The following PLEKHA7 variants were observed in gnomAD, a reference collection of about 807,000 sequenced individuals.
The protein encoded by PLEKHA7 is pleckstrin homology domain containing A7.
PLEKHA7 carries 104 observed loss-of-function variants against 170.0 expected under a neutral mutation model. The observed-to-expected ratio is 0.61, with a 90% CI of 0.52 to 0.72. PLEKHA7 has a LOEUF of 0.72. PLEKHA7 is among the 30% of genes least tolerant of loss of function. The probability of loss-of-function intolerance (pLI) is 0.00; values close to 1 mark genes in which losing one functional copy is unlikely to be tolerated. For missense variants in PLEKHA7, 1,615 were observed against 1,671.7 expected, an observed-to-expected ratio of 0.97 and a Z score of 0.59; for synonymous variants, 648 against 660.8, an observed-to-expected ratio of 0.98 and a Z score of 0.30.
At chr11:16,978,799 C>T (rs549742469) in intron 3 of PLEKHA7, among the ~76,000 whole-genome samples, 28 of 152,294 alleles carry the variant, frequency 1.8e-4, no homozygotes, top group Non-Finnish European at 3.2e-4. Flanking sequence ...CCTCAATAAG[C>T]AATGAAATTA....
chr11:16,903,274 T>C (rs895219743), intron 3 of PLEKHA7, among the ~76,000 whole-genome samples: 6 of 152,220 alleles, frequency 3.9e-5, no homozygotes, highest in Admixed American at 6.5e-5. Context: ...CGGCCTGGCA[T>C]ATAACATTAG....
chr11:17,011,058 T>C (rs948054016), intron 3 of PLEKHA7, among the ~76,000 whole-genome samples: 7 of 152,102 alleles, frequency 4.6e-5, no homozygotes, highest in African/African-American at 1.4e-4. Flanking sequence ...GAGCTCACTG[T>C]AGGAAAATCA....
At chr11:16,982,185 G>C (rs6486332) in intron 3 of PLEKHA7, among the ~76,000 whole-genome samples, 92,271 of 152,150 alleles carry the variant, frequency 0.61, 28,629 homozygotes, top group East Asian at 0.96. Context: ...GGGGCATAAA[G>C]AAACTGTTAA....
intron 14 of PLEKHA7, 52 bp downstream of exon 14, chr11:16,803,175 G>C (rs1848714831): frequency 6.3e-7 from 1 of 1,578,880 alleles, no homozygotes; most frequent in Non-Finnish European, 8.7e-7. Context: ...GTTCACCCGG[G>C]GTCTGGGTCA....
intron 10 of PLEKHA7, 45 bp downstream of exon 10, chr11:16,826,075 A>AT: frequency 1.9e-6 from 3 of 1,568,894 alleles, no homozygotes; most frequent in Non-Finnish European, 2.6e-6. Flanking sequence ...TTGCCACTAC[A>AT]TTATCGTGCT....
chr11:17,005,864 T>C (rs1864959263), intron 3 of PLEKHA7, among the ~76,000 whole-genome samples: 1 of 152,154 alleles, frequency 6.6e-6, no homozygotes, highest in Non-Finnish European at 1.5e-5. Context: ...CCCTTGAAAA[T>C]GCAACCAGGA....
chr11:16,892,434 GT>G (rs138538328), intron 3 of PLEKHA7, among the ~76,000 whole-genome samples: 7,520 of 108,476 alleles, frequency 0.069, 274 homozygotes, highest in Non-Finnish European at 0.098. Context: ...GTGTGTGTGT[GT>G]TTTGTTTTGT....
At chr11:16,890,087 T>C (rs1856513947) in intron 3 of PLEKHA7, among the ~76,000 whole-genome samples, 1 of 152,014 alleles carries the variant, frequency 6.6e-6, no homozygotes, top group Non-Finnish European at 1.5e-5. Flanking sequence ...AAATGTTTCC[T>C]AGACAAGCAA....
chr11:16,900,600 T>A (rs1209860537), intron 3 of PLEKHA7, among the ~76,000 whole-genome samples: 1 of 152,176 alleles, frequency 6.6e-6, no homozygotes, highest in Non-Finnish European at 1.5e-5. Context: ...AATAAAATTG[T>A]ACACAAAATT....
intron 3 of PLEKHA7, among the ~76,000 whole-genome samples, chr11:16,878,490 C>T (rs1855475469): frequency 6.6e-6 from 1 of 152,228 alleles, no homozygotes; most frequent in African/African-American, 2.4e-5. Flanking sequence ...TACCATTCTT[C>T]CCCTTGTCCA....
intron 9 of PLEKHA7, among the ~76,000 whole-genome samples, chr11:16,829,723 T>G (rs1055771808): frequency 6.6e-6 from 1 of 152,124 alleles, no homozygotes; most frequent in Non-Finnish European, 1.5e-5. Context: ...TTGCAGTAGC[T>G]GAGATTGCAC....
At chr11:16,949,265 T>A (rs1861256975) in intron 3 of PLEKHA7, among the ~76,000 whole-genome samples, 1 of 152,200 alleles carries the variant, frequency 6.6e-6, no homozygotes, top group Admixed American at 6.5e-5. Context: ...CCATCTCCCC[T>A]GCAGGTGGGA....
intron 3 of PLEKHA7, among the ~76,000 whole-genome samples, chr11:16,956,080 C>A (rs984818590): frequency 6.6e-5 from 10 of 152,310 alleles, no homozygotes; most frequent in Admixed American, 6.5e-4. Context: ...GAAATATGTT[C>A]TTTTTGTACT....
chr11:16,847,245 A>C (rs545437529), intron 8 of PLEKHA7, among the ~76,000 whole-genome samples: 2 of 151,740 alleles, frequency 1.3e-5, no homozygotes, highest in Non-Finnish European at 1.5e-5. Context: ...TACAGGCGCC[A>C]GCCACCACAC....
chr11:16,819,328 C>T (rs2134766199), intron 10 of PLEKHA7, among the ~76,000 whole-genome samples: 1 of 152,244 alleles, frequency 6.6e-6, no homozygotes, highest in Non-Finnish European at 1.5e-5. Context: ...GAACTCCTGG[C>T]CTCAAGTGAT....
chr11:16,985,781 T>C (rs573268096), intron 3 of PLEKHA7, among the ~76,000 whole-genome samples: 23 of 152,254 alleles, frequency 1.5e-4, no homozygotes, highest in Non-Finnish European at 2.5e-4. Flanking sequence ...TAAGGTGATA[T>C]GTGGCAAGAG....
chr11:16,820,174 C>T (rs1850095782), intron 10 of PLEKHA7, among the ~76,000 whole-genome samples: 1 of 152,112 alleles, frequency 6.6e-6, no homozygotes, highest in Non-Finnish European at 1.5e-5. Context: ...CTTAACAAGC[C>T]CTCCAGGAGA....
At chr11:16,783,861 G>A in intron 24 of PLEKHA7, 28 bp from the exon 25 acceptor site, 1 of 1,416,544 alleles carries the variant, frequency 7.1e-7, no homozygotes, top group East Asian at 2.9e-5. Context: ...GGTGGCAGAG[G>A]GAGAGGCTCA....
intron 3 of PLEKHA7, among the ~76,000 whole-genome samples, chr11:16,913,476 G>A (rs1032329760): frequency 1.3e-5 from 2 of 152,206 alleles, no homozygotes; most frequent in Admixed American, 6.5e-5. Flanking sequence ...ATTTCCTCCA[G>A]GGTAACATAA....
Sources: gnomAD v4.1 joint callset for allele counts (sites outside exome capture counted in the v4.1 genomes callset) on GRCh38, gnomAD v4.1.1 for gene constraint, MANE v1.5 for transcripts, NCBI Gene and HGNC (gene_info 2026-07-23, HGNC 2026-07-21) for gene names.